The following NR5A2 variants were observed in gnomAD, a reference collection of about 807,000 sequenced individuals.
The protein encoded by NR5A2 is CYP7A promoter-binding factor.
Under a neutral mutation model 62.7 loss-of-function variants are expected in NR5A2, and 26 were observed. That is an observed-to-expected ratio of 0.41 (90% CI 0.30 to 0.58). The LOEUF (loss-of-function observed/expected upper bound fraction) is 0.58. Ranked by LOEUF, NR5A2 falls within the 20% of genes least tolerant of loss-of-function variation. NR5A2 has a pLI of 0.22. For synonymous variants in NR5A2, 246 were observed against 241.7 expected (o/e 1.02, Z -0.16); for missense variants, 541 against 669.1 (o/e 0.81, Z 2.11).
At chr1:200,144,271 A>AC (rs1667588415) in intron 7 of NR5A2, among the ~76,000 whole-genome samples, 1 of 151,154 alleles carries the variant, frequency 6.6e-6, no homozygotes, top group Admixed American at 6.6e-5. Context: ...ACACACACAC[A>AC]GAACAACACT....
intron 7 of NR5A2, among the ~76,000 whole-genome samples, chr1:200,128,024 C>A (rs1325022808): frequency 1.3e-5 from 2 of 151,852 alleles, no homozygotes; most frequent in East Asian, 3.9e-4. Context: ...CCTGAATTTC[C>A]AATTTTTATT....
chr1:200,043,236 G>A (rs1337915407), intron 2 of NR5A2, among the ~76,000 whole-genome samples: 1 of 152,244 alleles, frequency 6.6e-6, no homozygotes, highest in Non-Finnish European at 1.5e-5. Context: ...AGGCTGTTTA[G>A]TTAAAGTGGG....
chr1:200,105,537 A>G lies in NR5A2; in HGVS notation c.1111-5665A>G, dbSNP rs561770058. The stretch of plus-strand genomic sequence containing the variant: ...TATTTTAATAATCTGTTTTCCCTCA[A>G]GTTTCTAACACAAGACCTGACACAC... On this transcript the variant is annotated intron_variant, in intron 5 of 7. Transcript: ENST00000367362. Among the ~76,000 whole-genome samples the G allele has an allele frequency of 2.3e-4, 35 of 152,340 alleles. 1 individual carries two copies. In the South Asian group the frequency reaches 3.7e-3, roughly 16 times the overall value.
intron 5 of NR5A2, among the ~76,000 whole-genome samples, chr1:200,085,703 A>G (rs1316231445): frequency 1.3e-5 from 2 of 151,604 alleles, no homozygotes; most frequent in East Asian, 3.9e-4. Context: ...AATGGTCTCT[A>G]CCCTTAAAGA....
At chr1:200,144,146 A>G (rs1050005109) in intron 7 of NR5A2, among the ~76,000 whole-genome samples, 2 of 151,628 alleles carry the variant, frequency 1.3e-5, no homozygotes, top group Non-Finnish European at 2.9e-5. Context: ...TCTGTTTCCA[A>G]AGAGCCTGAA....
At chr1:200,043,751 A>G (rs1470988222) in intron 2 of NR5A2, 23 bp from the exon 3 acceptor site, 1 of 1,456,834 alleles carries the variant, frequency 6.9e-7, no homozygotes, top group South Asian at 1.2e-5. Flanking sequence ...GAATATGTGT[A>G]TACATTTCTC....
intron 7 of NR5A2, among the ~76,000 whole-genome samples, chr1:200,145,802 A>T (rs2102353604): frequency 6.6e-6 from 1 of 152,258 alleles, no homozygotes; most frequent in Admixed American, 6.5e-5. Context: ...ATCATGTTGC[A>T]GGTTTCTAGG....
At chr1:200,143,674 A>T (rs1571549245) in intron 7 of NR5A2, among the ~76,000 whole-genome samples, 1 of 125,002 alleles carries the variant, frequency 8.0e-6, no homozygotes, top group African/African-American at 3.2e-5. Context: ...ATGGAGTCTC[A>T]CTCTGTTGCC....
chr1:200,045,474 A>G lies in NR5A2; in HGVS notation c.353A>G (p.Lys118Arg). Residue 118 changes from lysine to arginine, a missense_variant, in exon 4 of 8, where the codon AAA becomes AGA. By Grantham distance (26) the Lys-to-Arg change is conservative. Transcript: ENST00000367362. The part of the protein sequence containing the change: ...GFFKRTVQNN[K>R]RYTCIENQNC... ...TTTAAGCGAACAGTCCAAAATAATA[A>G]AAGGTACACATGTATAGAAAACCAG... 1 of 1,611,310 alleles carries G rather than the reference A, an allele frequency of 6.2e-7. No individual in the cohort carries two copies. The highest frequency in any genetic ancestry group is 8.5e-7 in the Non-Finnish European group (1 of 1,178,682).
Position 200,167,020 on chromosome 1 carries a change from C to A in NR5A2, c.1379-6943C>A, listed in dbSNP as rs115971419. On this transcript the variant is annotated intron_variant, in intron 7 of 7. Transcript: ENST00000367362. ...CCTATAACACCTTCTAGGATAGAATCCTTTACAATTTAGCTTATCCTGAAT... is the reference window on the plus strand; with the variant it reads ...CCTATAACACCTTCTAGGATAGAATACTTTACAATTTAGCTTATCCTGAAT... 6.0e-3 allele frequency among the ~76,000 whole-genome samples: 915 copies of A among 152,244 alleles called. 9 individuals are homozygous for A. Among genetic ancestry groups the A allele is most frequent in the African/African-American group, 0.021 (856 of 41,548 alleles).
chr1:200,086,767 G>A (rs1396524077), intron 5 of NR5A2, among the ~76,000 whole-genome samples: 1 of 152,176 alleles, frequency 6.6e-6, no homozygotes, highest in Non-Finnish European at 1.5e-5. Flanking sequence ...GGCCGGGCAA[G>A]GTGGCTCACG....
intron 7 of NR5A2, among the ~76,000 whole-genome samples, chr1:200,160,872 T>G (rs1457666588): frequency 1.3e-5 from 2 of 151,892 alleles, no homozygotes; most frequent in Non-Finnish European, 2.9e-5. Context: ...CTGAACAAAC[T>G]GAACCTCATA....
intron 5 of NR5A2, among the ~76,000 whole-genome samples, chr1:200,081,866 C>G (rs931842320): frequency 1.3e-5 from 2 of 150,340 alleles, no homozygotes; most frequent in African/African-American, 4.9e-5. Flanking sequence ...CTCCCTGACA[C>G]TTTGTATTTT....
rs1661988408 is a variant in NR5A2 at position 200,039,941 on chromosome 1, G to C, written c.202+146G>C. 1 of 850,236 alleles carries C rather than the reference G, an allele frequency of 1.2e-6. No homozygotes were observed. The highest frequency in any genetic ancestry group is 3.2e-5 in the East Asian group (1 of 31,264). The allele number at this position is 850,236 out of a possible 1,614,324, so 52.7% of individuals were successfully genotyped here. A position where few individuals can be genotyped will look rare whatever the true frequency, so the allele number is the denominator to read the frequency against. On this transcript the variant is annotated intron_variant, in intron 2 of 7. Coordinates refer to ENST00000367362, the MANE Select transcript of NR5A2 (RefSeq NM_205860.3). This position sits in a 1 kb window ranked among gnomAD's most constrained non-coding sequence, Gnocchi z 5.1. ...CGCGGGAGTCAAGCCCCCTCCCCAG[G>C]TGCAGGCATAAAAGTTTATGGCTCT...
intron 2 of NR5A2, among the ~76,000 whole-genome samples, chr1:200,043,398 C>A (rs1247528550): frequency 6.6e-6 from 1 of 152,144 alleles, no homozygotes; most frequent in Non-Finnish European, 1.5e-5. Flanking sequence ...CTACCTTAGG[C>A]GAAGGTGACA....
At chr1:200,061,521 G>A (rs921724134) in intron 5 of NR5A2, among the ~76,000 whole-genome samples, 3 of 151,944 alleles carry the variant, frequency 2.0e-5, no homozygotes, top group Non-Finnish European at 4.4e-5. Context: ...CAGGTGATCC[G>A]CCCACCTCCG....
rs558142510 is a variant in NR5A2, at chr1:200,121,997, A to G, written c.1378+1042A>G. Reference sequence around the variant, plus strand: ...GGGTAGTTTGAAGTAATAGAACCAGAGTTAATTTTTCATGTATAGTCAACA... The same window carrying G: ...GGGTAGTTTGAAGTAATAGAACCAGGGTTAATTTTTCATGTATAGTCAACA... On this transcript the variant is annotated intron_variant, in intron 7 of 7. Coordinates refer to ENST00000367362, the MANE Select transcript of NR5A2 (RefSeq NM_205860.3). 1.5e-3 allele frequency among the ~76,000 whole-genome samples: 235 copies of G among 152,350 alleles called. 1 individual carries two copies. Among genetic ancestry groups the G allele is most frequent in the African/African-American group, 4.8e-3 (201 of 41,584 alleles).
chr1:200,163,563 C>G (rs1366025282), intron 7 of NR5A2, among the ~76,000 whole-genome samples: 1 of 151,786 alleles, frequency 6.6e-6, no homozygotes, highest in Non-Finnish European at 1.5e-5. Context: ...TTCACTGCAG[C>G]CCCAACTTCC....
chr1:200,134,317 A>C (rs1329550115), intron 7 of NR5A2, among the ~76,000 whole-genome samples: 1 of 152,188 alleles, frequency 6.6e-6, no homozygotes, highest in Non-Finnish European at 1.5e-5. Flanking sequence ...ACTCACCCAG[A>C]GCAACTTCCA....
Sources: allele counts gnomAD v4.1 joint callset (sites outside exome capture counted in the v4.1 genomes callset), GRCh38; gene constraint gnomAD v4.1.1; non-coding constraint Gnocchi (gnomAD v3.1); transcripts MANE v1.5; gene names NCBI Gene and HGNC (gene_info 2026-07-23, HGNC 2026-07-21).